KCNJ10: variants seen among roughly 807,000 people sequenced by gnomAD.
KCNJ10 encodes the protein potassium inwardly rectifying channel subfamily J member 10.
KCNJ10 carries 9 observed loss-of-function variants against 22.2 expected under a neutral mutation model. The ratio of observed to expected loss-of-function variants is 0.40; its 90% confidence interval spans 0.24 to 0.71. The LOEUF (loss-of-function observed/expected upper bound fraction) is 0.71, where lower values mean the gene tolerates loss of function less well. Among genes scored for constraint, KCNJ10 ranks in the 30% least tolerant of loss-of-function variants. KCNJ10 has a pLI of 0.35. For missense variants in KCNJ10, 337 were observed against 482.7 expected (o/e 0.70, Z 2.83); for synonymous variants, 184 against 187.3 (o/e 0.98, Z 0.15).
chr1:160,049,671 TTATTTATA>T (rs1431681367), intron 1 of KCNJ10, among the ~76,000 whole-genome samples: 7 of 55,498 alleles, frequency 1.3e-4, no homozygotes, highest in African/African-American at 2.7e-4. Context: ...AGCATTTTAT[TTATTTATA>T]TATATATATA....
chr1:160,067,166 GC>G (rs1649340799), intron 1 of KCNJ10, among the ~76,000 whole-genome samples: 1 of 152,080 alleles, frequency 6.6e-6, no homozygotes, highest in Non-Finnish European at 1.5e-5. Flanking sequence ...TCCAGAGCCA[GC>G]CCCTCCCTTC....
intron 1 of KCNJ10, chr1:160,062,400 T>C (rs998695449): frequency 2.6e-5 from 4 of 152,162 alleles, no homozygotes; most frequent in Non-Finnish European, 5.9e-5. Flanking sequence ...AGGACATTAG[T>C]ATGCAGAGCC....
At chr1:160,060,055 C>A (rs961340645) in intron 1 of KCNJ10, among the ~76,000 whole-genome samples, 5 of 152,148 alleles carry the variant, frequency 3.3e-5, no homozygotes, top group African/African-American at 1.2e-4. Context: ...CTTCTTGGGG[C>A]TCCTGTTCCC....
At chr1:160,057,929 C>T (rs931915326) in intron 1 of KCNJ10, among the ~76,000 whole-genome samples, 3 of 151,854 alleles carry the variant, frequency 2.0e-5, no homozygotes, top group Non-Finnish European at 2.9e-5. Context: ...GAGGTAGTGG[C>T]GGGTAGGGGA....
chr1:160,049,885 T>C (rs1221303465), intron 1 of KCNJ10, among the ~76,000 whole-genome samples: 1 of 151,358 alleles, frequency 6.6e-6, no homozygotes, highest in African/African-American at 2.4e-5. Flanking sequence ...GTTCTTGTCC[T>C]AGGTAGAATG....
In KCNJ10 at chr1:160,041,173, T is replaced by G; in HGVS notation, c.*220A>C. 1 of 592,874 alleles carries G rather than the reference T, an allele frequency of 1.7e-6. No individual in the cohort carries two copies. 36.7% of individuals were successfully genotyped at this position (592,874 alleles called of 1,614,324 possible). A position where few individuals can be genotyped will look rare whatever the true frequency, so the allele number is the denominator to read the frequency against. ...TTCCCCCATCCTGGCTTAAGGGAGG[T>G]ATGTGTATTGGGGCAGAAGCTGGGG... On this transcript the variant is annotated 3_prime_UTR_variant, in exon 2 of 2. Transcript: ENST00000644903. This position sits in a 1 kb window ranked among gnomAD's most constrained non-coding sequence, Gnocchi z 4.4.
chr1:160,056,173 A>G (rs943334536), intron 1 of KCNJ10, among the ~76,000 whole-genome samples: 3 of 151,954 alleles, frequency 2.0e-5, no homozygotes, highest in Non-Finnish European at 4.4e-5. Flanking sequence ...AAGTGTTGCA[A>G]TGGTCTCCTG....
chr1:160,044,310 A>G (rs1346971803), intron 1 of KCNJ10, among the ~76,000 whole-genome samples: 1 of 152,202 alleles, frequency 6.6e-6, no homozygotes, highest in Admixed American at 6.5e-5. Context: ...TGCAACTCTG[A>G]AGTTTGAAGA....
chr1:160,069,127 G>A lies in KCNJ10; in HGVS notation c.-1+895C>T, dbSNP rs144680129. On this transcript the variant is annotated intron_variant, in intron 1 of 1. Coordinates refer to ENST00000644903, the MANE Select transcript of KCNJ10 (RefSeq NM_002241.5). ...CCCCATCTGCCTCACCCTGCCTGGG[G>A]CACTCACTGGAATTAAACTTCAAGA... is the stretch of plus-strand genomic sequence containing the variant. Among the ~76,000 whole-genome samples, 536 of 152,294 alleles carry A rather than the reference G, an allele frequency of 3.5e-3. 3 individuals are homozygous for A. Among genetic ancestry groups the A allele is most frequent in the Middle Eastern group, 0.014 (4 of 294 alleles).
intron 1 of KCNJ10, among the ~76,000 whole-genome samples, chr1:160,045,201 T>G (rs1463123565): frequency 6.6e-6 from 1 of 152,172 alleles, no homozygotes; most frequent in Non-Finnish European, 1.5e-5. Context: ...AAATCAGTGG[T>G]ACTGGTGAGG....
rs1648532087 is a variant in KCNJ10, at chr1:160,038,637, T to C, written c.*2756A>G. On this transcript the variant is annotated 3_prime_UTR_variant, in exon 2 of 2. Coordinates refer to ENST00000644903, the MANE Select transcript of KCNJ10 (RefSeq NM_002241.5). ...TCTCTGAATATTTCCTTTCTGTACA[T>C]TCAATATATTTGGGCATATATACAT... 1 of 152,214 alleles carries C rather than the reference T, an allele frequency of 6.6e-6. No individual in the cohort carries two copies. The highest frequency in any genetic ancestry group is 2.1e-4 in the South Asian group (1 of 4,834). The allele number at this position is 152,214 out of a possible 1,614,324, so 9.4% of individuals were successfully genotyped here.
chr1:160,055,232 G>A (rs762559340), intron 1 of KCNJ10, among the ~76,000 whole-genome samples: 15 of 152,158 alleles, frequency 9.9e-5, no homozygotes, highest in Non-Finnish European at 1.8e-4. Context: ...GGGTTTTGAA[G>A]TCTACAAAAC....
intron 1 of KCNJ10, among the ~76,000 whole-genome samples, chr1:160,068,788 G>T (rs1435880499): frequency 6.6e-6 from 1 of 152,194 alleles, no homozygotes; most frequent in African/African-American, 2.4e-5. Flanking sequence ...TAGGGAGAGA[G>T]TTTCAGGATG....
chr1:160,052,236 A>C (rs1048547193), intron 1 of KCNJ10, among the ~76,000 whole-genome samples: 1 of 152,212 alleles, frequency 6.6e-6, no homozygotes, highest in Non-Finnish European at 1.5e-5. Context: ...GCTATTAACT[A>C]ATCCAATTAT....
chr1:160,059,932 C>T (rs934694296), intron 1 of KCNJ10, among the ~76,000 whole-genome samples: 1 of 152,306 alleles, frequency 6.6e-6, no homozygotes, highest in East Asian at 1.9e-4. Context: ...TGAGCAATTT[C>T]TTCCTATTTG....
At chr1:160,064,631 G>T (rs1363598576) in intron 1 of KCNJ10, 1 of 152,346 alleles carries the variant, frequency 6.6e-6, no homozygotes, top group Admixed American at 6.5e-5. Flanking sequence ...TAACTTTTTA[G>T]AATGTAAAGT....
chr1:160,046,042 G>T (rs543826949), intron 1 of KCNJ10, among the ~76,000 whole-genome samples: 2 of 152,280 alleles, frequency 1.3e-5, no homozygotes, highest in Non-Finnish European at 1.5e-5. Flanking sequence ...TGAAGATTCT[G>T]TCTATACCCA....
Position 160,041,304 on chromosome 1 carries a change from G to A in KCNJ10, c.*89C>T, listed in dbSNP as rs115130978. 3,349 of 1,315,320 alleles carry A rather than the reference G, an allele frequency of 2.5e-3. 75 individuals are homozygous for A. In the African/African-American group the frequency reaches 0.042, roughly 17 times the overall value. 81.5% of individuals were successfully genotyped at this position (1,315,320 alleles called of 1,614,324 possible). A position where few individuals can be genotyped will look rare whatever the true frequency, so the allele number is the denominator to read the frequency against. On this transcript the variant is annotated 3_prime_UTR_variant, in exon 2 of 2. Coordinates refer to ENST00000644903, the MANE Select transcript of KCNJ10 (RefSeq NM_002241.5). This position sits in a 1 kb window ranked among gnomAD's most constrained non-coding sequence, Gnocchi z 4.4. ...GGAGTGGAGGATGGGTGCTTCGGGG[G>A]ATCTCCAGTAAACCCGGGTAGTATT...
At chr1:160,049,481 T>G (rs1648824696) in intron 1 of KCNJ10, among the ~76,000 whole-genome samples, 1 of 151,544 alleles carries the variant, frequency 6.6e-6, no homozygotes, top group Admixed American at 6.6e-5. Context: ...CAGAGTCCAG[T>G]TCAAATAACC....
Sources: gnomAD v4.1 joint callset for allele counts (sites outside exome capture counted in the v4.1 genomes callset) on GRCh38, gnomAD v4.1.1 for gene constraint, Gnocchi (gnomAD v3.1) non-coding constraint, MANE v1.5 for transcripts, NCBI Gene and HGNC (gene_info 2026-07-23, HGNC 2026-07-21) for gene names.